ZFP82: variants seen among roughly 807,000 people sequenced by gnomAD.
ZFP82 encodes the protein ZFP82 zinc finger protein.
In ZFP82, 30 loss-of-function variants were observed where a neutral mutation model predicts 54.0. The observed-to-expected ratio is 0.56, with a 90% CI of 0.42 to 0.75. The LOEUF (loss-of-function observed/expected upper bound fraction) is 0.75, where lower values mean the gene tolerates loss of function less well. ZFP82 is among the 30% of genes least tolerant of loss of function. ZFP82 has a pLI of 0.00. For missense variants in ZFP82, 500 were observed against 636.8 expected, an observed-to-expected ratio of 0.79 and a Z score of 2.31; for synonymous variants, 194 against 209.5, an observed-to-expected ratio of 0.93 and a Z score of 0.64.
intron 1 of ZFP82, among the ~76,000 whole-genome samples, chr19:36,410,942 C>T (rs754008791): frequency 6.6e-6 from 1 of 151,490 alleles, no homozygotes; most frequent in Non-Finnish European, 1.5e-5. Flanking sequence ...CCTATAATCC[C>T]AGCACTATGG....
At chr19:36,386,274 G>T (rs780872033), downstream of ZFP82, among the ~76,000 whole-genome samples, 3 of 152,264 alleles carry the variant, frequency 2.0e-5, no homozygotes, top group Non-Finnish European at 4.4e-5. Flanking sequence ...GGCATAAGCT[G>T]TAAGCTTGTG....
chr19:36,401,925 A>G (rs890284429), intron 4 of ZFP82, among the ~76,000 whole-genome samples: 2 of 152,232 alleles, frequency 1.3e-5, no homozygotes, highest in Non-Finnish European at 2.9e-5. Context: ...ACCTCAAGAA[A>G]GTCATCTGTC....
chr19:36,404,763 G>T (rs1430506239), intron 4 of ZFP82, among the ~76,000 whole-genome samples: 5 of 152,152 alleles, frequency 3.3e-5, no homozygotes, highest in Admixed American at 2.6e-4. Context: ...CCCGTCTCTG[G>T]GCAGAAGCCT....
At chr19:36,410,552 G>C (rs2032561937) in intron 1 of ZFP82, among the ~76,000 whole-genome samples, 1 of 151,702 alleles carries the variant, frequency 6.6e-6, no homozygotes. Flanking sequence ...GCCCAGGTTG[G>C]AGTGCGGTGG....
intron 3 of ZFP82, among the ~76,000 whole-genome samples, chr19:36,406,412 T>A (rs187354632): frequency 1.1e-4 from 17 of 152,332 alleles, no homozygotes; most frequent in African/African-American, 4.1e-4. Flanking sequence ...TCATTCCTAC[T>A]CCCAGCCCCA....
chr19:36,414,972 C>T (rs1249454924), intron 1 of ZFP82, among the ~76,000 whole-genome samples: 1 of 151,978 alleles, frequency 6.6e-6, no homozygotes, highest in Non-Finnish European at 1.5e-5. Flanking sequence ...CAGGCATGCA[C>T]CACCACGCCT....
At chr19:36,386,968 G>A (rs1009631000), downstream of ZFP82, among the ~76,000 whole-genome samples, 1 of 152,212 alleles carries the variant, frequency 6.6e-6, no homozygotes, top group South Asian at 2.1e-4. Context: ...GCACTGTTGG[G>A]TTTTGGACCT....
At chr19:36,411,982 G>A (rs1376413717) in intron 1 of ZFP82, among the ~76,000 whole-genome samples, 1 of 152,002 alleles carries the variant, frequency 6.6e-6, no homozygotes, top group African/African-American at 2.4e-5. Context: ...ATGGAAATAT[G>A]TTCAGTACAG....
rs769914466 is a variant in ZFP82, at chr19:36,393,291, C to T, written c.1049G>A (p.Arg350Gln). 1.7e-5 allele frequency: 28 copies of T among 1,602,716 alleles called. No homozygotes were observed. Among genetic ancestry groups the T allele is most frequent in the Admixed American group, 3.4e-5 (2 of 58,658 alleles). Residue 350 changes from arginine (R) to glutamine (Q), a missense_variant, in exon 5 of 5, where the codon CGA becomes CAA. Arg to Gln is a conservative substitution (Grantham distance 43). Transcript: ENST00000392161. ...CKECGKAFRV[R>Q]QQLTLHQRIH... is the part of the protein sequence containing the mutation. The stretch of plus-strand genomic sequence containing the variant: ...TCTCTGATGGAGTGTTAGTTGTTGT[C>T]GCACTCTAAAGGCCTTCCCGCATTC...
Position 36,390,329 on chromosome 19 carries a change from G to GCCTTTTTTTTTTTT in ZFP82, c.*2411_*2412insAAAAAAAAAAAAGG, listed in dbSNP as rs373296227. ...CTTTAAAGTGTAGGATTCCATTTTTGTCTTTTTTTTTTTTTTTTTTGACAT... is the reference window on the plus strand; with the variant it reads ...CTTTAAAGTGTAGGATTCCATTTTTGCCTTTTTTTTTTTTTCTTTTTTTTTTTTTTTTTTGACAT... On this transcript the variant is annotated 3_prime_UTR_variant, in exon 5 of 5. Coordinates refer to ENST00000392161, the MANE Select transcript of ZFP82 (RefSeq NM_133466.4). 8 of 120,334 alleles carry GCCTTTTTTTTTTTT rather than the reference G, an allele frequency of 6.6e-5. 1 individual carries two copies. Among genetic ancestry groups the GCCTTTTTTTTTTTT allele is most frequent in the East Asian group, 2.4e-4 (1 of 4,138 alleles). 7.5% of individuals were successfully genotyped at this position (120,334 alleles called of 1,614,324 possible). A position where few individuals can be genotyped will look rare whatever the true frequency, so the allele number is the denominator to read the frequency against.
chr19:36,411,949 A>C (rs1408796823), intron 1 of ZFP82, among the ~76,000 whole-genome samples: 1 of 152,172 alleles, frequency 6.6e-6, no homozygotes, highest in East Asian at 1.9e-4. Flanking sequence ...AAAAAATGAT[A>C]ATGCAGCTCT....
At chr19:36,398,881 C>G (rs1430916446) in intron 4 of ZFP82, among the ~76,000 whole-genome samples, 1 of 151,858 alleles carries the variant, frequency 6.6e-6, no homozygotes, top group Non-Finnish European at 1.5e-5. Context: ...TATTATCTTA[C>G]CAAAAAGGCA....
At chr19:36,396,414 G>A (rs766778323) in intron 4 of ZFP82, among the ~76,000 whole-genome samples, 4 of 152,040 alleles carry the variant, frequency 2.6e-5, no homozygotes, top group Non-Finnish European at 5.9e-5. Context: ...TTGGGAGGCC[G>A]AGATGGGTGG....
chr19:36,395,005 G>T (rs1176754794), intron 4 of ZFP82: 1 of 152,114 alleles, frequency 6.6e-6, no homozygotes, highest in African/African-American at 2.4e-5. Context: ...CTACATACTT[G>T]TTCTAAATGT....
downstream of ZFP82, among the ~76,000 whole-genome samples, chr19:36,388,472 T>G (rs1237755776): frequency 6.6e-6 from 1 of 151,882 alleles, no homozygotes; most frequent in African/African-American, 2.4e-5. Flanking sequence ...AGTTCAGGGT[T>G]TTTTTTTGGT....
intron 4 of ZFP82, among the ~76,000 whole-genome samples, chr19:36,398,828 C>T (rs1230727704): frequency 1.3e-5 from 2 of 152,000 alleles, no homozygotes; most frequent in Non-Finnish European, 2.9e-5. Context: ...TTTAAAAAAG[C>T]TCAGTGAAAC....
intron 4 of ZFP82, among the ~76,000 whole-genome samples, 167 bp downstream of exon 4, chr19:36,405,413 C>T (rs1289652604): frequency 6.6e-6 from 1 of 151,612 alleles, no homozygotes; most frequent in African/African-American, 2.4e-5. Flanking sequence ...ATGTCACAGA[C>T]CTTTCCTCCT....
intron 4 of ZFP82, among the ~76,000 whole-genome samples, chr19:36,402,999 C>A (rs1227637349): frequency 6.6e-6 from 1 of 151,856 alleles, no homozygotes; most frequent in Non-Finnish European, 1.5e-5. Context: ...AAAAATTAGC[C>A]GGGCGTGGTG....
rs73928639 is a variant in ZFP82, at chr19:36,401,848, T to C, written c.229+3732A>G. On this transcript the variant is annotated intron_variant, in intron 4 of 4. Coordinates refer to ENST00000392161, the MANE Select transcript of ZFP82 (RefSeq NM_133466.4). ...CCGCACTCAGACCTTTTCTATCAGC[T>C]CATAATGCTCTTTTCCCAGAAAATG... is the stretch of plus-strand genomic sequence containing the variant. Among the ~76,000 whole-genome samples the C allele has an allele frequency of 1.9e-3, 287 of 152,338 alleles. 2 individuals carry two copies. The highest frequency in any genetic ancestry group is 6.6e-3 in the African/African-American group (274 of 41,570).
Sources: gnomAD v4.1 joint callset for allele counts (sites outside exome capture counted in the v4.1 genomes callset) on GRCh38, gnomAD v4.1.1 for gene constraint, MANE v1.5 for transcripts, NCBI Gene and HGNC (gene_info 2026-07-23, HGNC 2026-07-21) for gene names.